AIG1: variants seen among roughly 807,000 people sequenced by gnomAD.
AIG1 encodes the protein androgen-induced gene 1 protein.
In AIG1, 23 loss-of-function variants were observed where a neutral mutation model predicts 31.4. That is an observed-to-expected ratio of 0.73 (90% CI 0.53 to 1.04). The LOEUF (loss-of-function observed/expected upper bound fraction) is 1.04. AIG1 is among the 50% of genes least tolerant of loss of function. AIG1 has a pLI of 0.00. For missense variants in AIG1, 274 were observed against 295.0 expected (o/e 0.93, Z 0.52); for synonymous variants, 100 against 110.5 (o/e 0.90, Z 0.60).
At chr6:143,200,000 T>A (rs1198676766) in intron 3 of AIG1, among the ~76,000 whole-genome samples, 4 of 152,166 alleles carry the variant, frequency 2.6e-5, no homozygotes, top group Non-Finnish European at 5.9e-5. Flanking sequence ...ATGTGATAGT[T>A]TCCTGGTGAC....
intron 1 of AIG1, among the ~76,000 whole-genome samples, chr6:143,115,452 G>A (rs1781654712): frequency 8.0e-6 from 1 of 124,900 alleles, no homozygotes; most frequent in Non-Finnish European, 1.6e-5. Flanking sequence ...TTTATACCAG[G>A]GAGGGAAGAT....
chr6:143,197,981 C>G (rs139166062), intron 3 of AIG1, among the ~76,000 whole-genome samples: 7 of 152,312 alleles, frequency 4.6e-5, no homozygotes, highest in African/African-American at 1.7e-4. Flanking sequence ...CCAGGACTTT[C>G]CTATCAATGT....
At chr6:143,177,916 A>G (rs1453518823) in intron 3 of AIG1, among the ~76,000 whole-genome samples, 1 of 152,128 alleles carries the variant, frequency 6.6e-6, no homozygotes, top group Non-Finnish European at 1.5e-5. Context: ...GTTCTTTGGC[A>G]CCTGGAGGGC....
intron 2 of AIG1, among the ~76,000 whole-genome samples, chr6:143,143,193 AG>A (rs1784379679): frequency 6.6e-6 from 1 of 152,032 alleles, no homozygotes; most frequent in South Asian, 2.1e-4. Flanking sequence ...TTTGATATTA[AG>A]GGGGAAATTA....
intron 2 of AIG1, among the ~76,000 whole-genome samples, chr6:143,138,566 C>T (rs755373663): frequency 6.6e-6 from 1 of 151,950 alleles, no homozygotes; most frequent in South Asian, 2.1e-4. Context: ...CCTGTGGAAG[C>T]CTTCGTTGGC....
intron 3 of AIG1, among the ~76,000 whole-genome samples, chr6:143,200,977 A>C (rs1302400706): frequency 6.6e-6 from 1 of 152,056 alleles, no homozygotes; most frequent in East Asian, 1.9e-4. Flanking sequence ...ATCCATACTG[A>C]AATTTGGACT....
chr6:143,095,278 A>G (rs1227991466), intron 1 of AIG1, among the ~76,000 whole-genome samples: 6 of 152,212 alleles, frequency 3.9e-5, no homozygotes, highest in Non-Finnish European at 7.3e-5. Context: ...TTAGAAAAAA[A>G]TAATAAAACA....
At chr6:143,193,692 G>T (rs1789979513) in intron 3 of AIG1, among the ~76,000 whole-genome samples, 1 of 152,190 alleles carries the variant, frequency 6.6e-6, no homozygotes, top group Non-Finnish European at 1.5e-5. Flanking sequence ...CCTTAATAGA[G>T]ATTTGTCTCT....
At chr6:143,271,201 G>A (rs1042149301) in intron 3 of AIG1, among the ~76,000 whole-genome samples, 4 of 152,166 alleles carry the variant, frequency 2.6e-5, no homozygotes, top group Non-Finnish European at 5.9e-5. Context: ...AAAAATACAT[G>A]CCAGTGCATC....
intron 1 of AIG1, among the ~76,000 whole-genome samples, chr6:143,093,213 G>A (rs960644126): frequency 6.6e-6 from 1 of 152,144 alleles, no homozygotes; most frequent in Admixed American, 6.5e-5. Flanking sequence ...GTCATCTTCA[G>A]CAATGATCTT....
At chr6:143,072,442 G>T (rs1777376622) in intron 1 of AIG1, among the ~76,000 whole-genome samples, 2 of 151,888 alleles carry the variant, frequency 1.3e-5, no homozygotes, top group Non-Finnish European at 2.9e-5. Context: ...TTATTGCCTT[G>T]GTTAAGACTT....
intron 3 of AIG1, chr6:143,188,773 G>A (rs1789514515): frequency 2.0e-6 from 2 of 985,338 alleles, no homozygotes. Flanking sequence ...GTAATCCTGG[G>A]AAACATACAT....
chr6:143,242,923 G>T (rs1024828420), intron 3 of AIG1, among the ~76,000 whole-genome samples: 6 of 152,118 alleles, frequency 3.9e-5, no homozygotes, highest in African/African-American at 1.4e-4. Context: ...CTTATCCCAG[G>T]TTGCGTGTGG....
chr6:143,269,238 A>G (rs1796344030), intron 3 of AIG1, among the ~76,000 whole-genome samples: 1 of 152,248 alleles, frequency 6.6e-6, no homozygotes, highest in African/African-American at 2.4e-5. Flanking sequence ...GGCTTGAGTC[A>G]GAAGGTGATA....
intron 1 of AIG1, among the ~76,000 whole-genome samples, chr6:143,096,195 C>G (rs1779774208): frequency 6.6e-6 from 1 of 152,108 alleles, no homozygotes; most frequent in African/African-American, 2.4e-5. Flanking sequence ...CGTGAGCCAC[C>G]ACGCCCGGCC....
chr6:143,195,899 T>C (rs1007049845), intron 3 of AIG1, among the ~76,000 whole-genome samples: 1 of 152,294 alleles, frequency 6.6e-6, no homozygotes, highest in Non-Finnish European at 1.5e-5. Flanking sequence ...CATCTTGTCA[T>C]GTGGCATGTT....
chr6:143,182,064 A>G (rs1309369817), intron 3 of AIG1, among the ~76,000 whole-genome samples: 1 of 151,698 alleles, frequency 6.6e-6, no homozygotes, highest in Admixed American at 6.6e-5. Flanking sequence ...TTTGTTGCAC[A>G]GCCCAGGCTG....
At chr6:143,059,379 C>T (rs937827153), upstream of AIG1, among the ~76,000 whole-genome samples, 1 of 152,082 alleles carries the variant, frequency 6.6e-6, no homozygotes, top group African/African-American at 2.4e-5. Flanking sequence ...ACTAATCTAC[C>T]GGCAGGAACC....
chr6:143,281,684 A>G (rs1467542329), intron 3 of AIG1, among the ~76,000 whole-genome samples: 2 of 152,222 alleles, frequency 1.3e-5, no homozygotes, highest in Non-Finnish European at 2.9e-5. Flanking sequence ...ATTTTCTGCT[A>G]ATTTATGTTT....
Sources: gnomAD v4.1 joint callset for allele counts (sites outside exome capture counted in the v4.1 genomes callset) on GRCh38, gnomAD v4.1.1 for gene constraint, MANE v1.5 for transcripts, NCBI Gene and HGNC (gene_info 2026-07-23, HGNC 2026-07-21) for gene names.